Variants in FANCD2OS observed in about 807,000 individuals in gnomAD.
FANCD2OS encodes the protein FANCD2 opposite strand protein.
In FANCD2OS, 11 loss-of-function variants were observed where a neutral mutation model predicts 13.2. The observed-to-expected ratio is 0.83, with a 90% confidence interval of 0.52 to 1.38. FANCD2OS has a LOEUF of 1.38. FANCD2OS is among the 40% of genes most tolerant of loss of function. The probability of loss-of-function intolerance (pLI) is 0.00; values close to 1 mark genes in which losing one functional copy is unlikely to be tolerated. For synonymous variants in FANCD2OS, 69 were observed against 84.5 expected (o/e 0.82, Z 1.01); for missense variants, 217 against 213.9 (o/e 1.01, Z -0.09).
chr3:10,107,559 T>G (rs1344652223), intron 1 of FANCD2OS, among the ~76,000 whole-genome samples: 1 of 151,974 alleles, frequency 6.6e-6, no homozygotes, highest in Non-Finnish European at 1.5e-5. Context: ...GTGCTGGGAT[T>G]ACAGGCGTGA....
intron 2 of FANCD2OS, chr3:10,088,762 T>C (rs1694396183): frequency 6.5e-7 from 1 of 1,536,092 alleles, no homozygotes; most frequent in African/African-American, 1.4e-5. Context: ...ATAGAGGAAT[T>C]AGAGGAATCT....
intron 2 of FANCD2OS, chr3:10,088,773 G>A: frequency 2.5e-6 from 4 of 1,580,170 alleles, no homozygotes; most frequent in Middle Eastern, 1.7e-4. Context: ...AGAGGAATCT[G>A]TAGTTGTATT....
chr3:10,100,085 G>A (rs1391611891), downstream of FANCD2OS, among the ~76,000 whole-genome samples: 1 of 152,110 alleles, frequency 6.6e-6, no homozygotes, highest in African/African-American at 2.4e-5. Context: ...CTACACAGGA[G>A]GCTGAGGTGG....
At chr3:10,085,939 T>C (rs1358844110) in intron 2 of FANCD2OS, 1 of 1,527,136 alleles carries the variant, frequency 6.5e-7, no homozygotes, top group Non-Finnish European at 9.1e-7. Context: ...CATAACTACA[T>C]AGCCAAGATT....
chr3:10,092,622 G>A (rs536398064), intron 2 of FANCD2OS, among the ~76,000 whole-genome samples: 4 of 149,000 alleles, frequency 2.7e-5, no homozygotes, highest in African/African-American at 5.0e-5. Context: ...CCACTCCATC[G>A]TGGTTTTGCT....
downstream of FANCD2OS, chr3:10,099,420 C>T (rs1048063622): frequency 3.7e-6 from 3 of 808,718 alleles, no homozygotes; most frequent in East Asian, 1.7e-4. Context: ...TCCGGGAGCT[C>T]AAGGCAAAGC....
At chr3:10,092,077 A>G (rs1447627537) in intron 2 of FANCD2OS, 1 of 883,442 alleles carries the variant, frequency 1.1e-6, no homozygotes, top group Non-Finnish European at 1.9e-6. Flanking sequence ...ATTGGCTTAA[A>G]TATCTGTATA....
intron 2 of FANCD2OS, chr3:10,092,108 T>C: frequency 2.9e-6 from 3 of 1,035,480 alleles, no homozygotes; most frequent in Admixed American, 1.7e-5. Context: ...TCAAGAACTA[T>C]ATCTTAGTGG....
rs141930678 is a variant in FANCD2OS at position 10,104,537 on chromosome 3, G to T, written c.238C>A (p.Arg80Ser). ...PKLPCHTSEL[R>S]TMNNKGLVRK... Reference sequence around the variant, plus strand: ...ACCAGTCCTTTGTTGTTCATCGTGCGCAACTCTGATGTGTGGCAGGGTAAC... The same window carrying T: ...ACCAGTCCTTTGTTGTTCATCGTGCTCAACTCTGATGTGTGGCAGGGTAAC... The change falls in exon 2 of 2, where the codon CGC becomes AGC. Residue 80 changes from arginine to serine, a missense_variant. Physicochemically the swap from Arg to Ser is moderately radical, Grantham distance 110 (BLOSUM62 -1). Transcript: ENST00000450660. 4 of 1,614,044 alleles carry T rather than the reference G, an allele frequency of 2.5e-6. No individual in the cohort carries two copies. The African/African-American group carries it at 5.3e-5, about 22-fold the overall frequency.
Position 10,096,450 on chromosome 3 carries a change from A to G in FANCD2OS, c.*43+7748T>C, listed in dbSNP as rs745472884. 12 of 1,614,044 alleles carry G rather than the reference A, an allele frequency of 7.4e-6. No homozygotes were observed. Among genetic ancestry groups the G allele is most frequent in the Admixed American group, 1.7e-5 (1 of 60,000 alleles). ...TGTAGAGAGGCTTTCTGGCTGGGCA[A>G]TCTAAAAAACCGGGACTTGCAGGTA... On this transcript the variant is annotated intron_variant, in intron 2 of 2. Transcript: ENST00000524279.
rs531155141 is a variant in FANCD2OS at position 10,104,643 on chromosome 3, G to C, written c.132C>G (p.Ser44=). The C allele has an allele frequency of 6.2e-7, 1 of 1,614,038 alleles. No individual in the cohort carries two copies. Among genetic ancestry groups the C allele is most frequent in the Non-Finnish European group, 8.5e-7 (1 of 1,180,056 alleles). ...KASPCFPHTP[S]DLEVQLCFQE... is the part of the protein sequence containing the mutation. The stretch of plus-strand genomic sequence containing the variant: ...GAAAGCACAGCTGCACTTCAAGGTC[G>C]GACGGTGTGTGTGGGAAGCAGGGGG... Residue 44 remains serine (S), a synonymous_variant, in exon 2 of 2, where the codon TCC becomes TCG. Transcript: ENST00000450660.
intron 2 of FANCD2OS, chr3:10,087,373 A>G (rs1694281783): frequency 9.9e-7 from 1 of 1,008,440 alleles, no homozygotes; most frequent in African/African-American, 1.7e-5. Flanking sequence ...AAATCCCCAC[A>G]TAACCTTGGA....
intron 2 of FANCD2OS, chr3:10,093,381 A>G: frequency 7.2e-7 from 1 of 1,391,066 alleles, no homozygotes; most frequent in Non-Finnish European, 1.0e-6. Context: ...CACTCTAGAG[A>G]GGACCTCAGC....
At chr3:10,094,497 C>G (rs963153516) in intron 2 of FANCD2OS, 1 of 800,528 alleles carries the variant, frequency 1.2e-6, no homozygotes, top group African/African-American at 1.7e-5. Flanking sequence ...AGCCAGAGAT[C>G]CCCAAATTGG....
intron 2 of FANCD2OS, among the ~76,000 whole-genome samples, chr3:10,097,562 A>C (rs948056948): frequency 6.6e-6 from 1 of 152,244 alleles, no homozygotes; most frequent in Non-Finnish European, 1.5e-5. Context: ...GTTTAAGGTT[A>C]TCTCTCCTAT....
At chr3:10,105,069 T>C (rs541038835) in intron 1 of FANCD2OS, among the ~76,000 whole-genome samples, 3 of 152,286 alleles carry the variant, frequency 2.0e-5, no homozygotes, top group Admixed American at 1.3e-4. Flanking sequence ...GCCAGGCTGC[T>C]CTCCAACTCC....
At chr3:10,096,399 T>C in intron 2 of FANCD2OS, 1 of 1,614,000 alleles carries the variant, frequency 6.2e-7, no homozygotes, top group East Asian at 2.2e-5. Context: ...GTTTGCAGAG[T>C]CAAAGCTATG....
chr3:10,098,431 G>A (rs2272123), downstream of FANCD2OS, among the ~76,000 whole-genome samples: 31,519 of 151,856 alleles, frequency 0.21, 3,963 homozygotes, highest in African/African-American at 0.35. Context: ...GTTCAGCATC[G>A]ACTTAGAGTC....
downstream of FANCD2OS, chr3:10,098,791 G>A (rs763525147): frequency 5.6e-6 from 9 of 1,614,186 alleles, no homozygotes; most frequent in South Asian, 7.7e-5. Context: ...TGTCATCCCA[G>A]GCCTCCAAGA....
Sources: gnomAD v4.1 joint callset for allele counts (sites outside exome capture counted in the v4.1 genomes callset) on GRCh38, gnomAD v4.1.1 for gene constraint, MANE v1.5 for transcripts, NCBI Gene and HGNC (gene_info 2026-07-23, HGNC 2026-07-21) for gene names.